DST: variants seen among roughly 807,000 people sequenced by gnomAD.
The protein encoded by DST is bullous pemphigoid antigen.
DST carries 253 observed loss-of-function variants against 875.2 expected under a neutral mutation model. The ratio of observed to expected loss-of-function variants is 0.29; its 90% CI spans 0.26 to 0.32. DST has a LOEUF of 0.32. DST is among the 10% of genes least tolerant of loss of function. The probability of loss-of-function intolerance (pLI) is 1.00; values close to 1 mark genes in which losing one functional copy is unlikely to be tolerated. For synonymous variants in DST, 3,124 were observed against 3,197.1 expected (o/e 0.98, Z 0.77); for missense variants, 8,287 against 9,111.6 (o/e 0.91, Z 3.68).
At chr6:56,501,008 A>T in intron 80 of DST, 72 bp downstream of exon 80, 12 of 1,468,262 alleles carry the variant, frequency 8.2e-6, no homozygotes, top group South Asian at 1.4e-5. Context: ...TAAAGAAGAA[A>T]TATATCCAAG....
In DST at chr6:56,608,184, T is replaced by G. The variant is rs369783174; in HGVS notation, c.6444A>C (p.Pro2148=). ...LKNITLPDKM[P]DLGDLEACKN... is the part of the protein sequence containing the mutation. The stretch of plus-strand genomic sequence containing the variant: ...TACAAGCTTCTAAATCTCCTAAATC[T>G]GGCATTTTATCAGGCAGTGTTATAT... Residue 2148 remains proline, a synonymous_variant, in exon 40 of 104, where the codon CCA becomes CCC. Transcript: ENST00000680361. The G allele has an allele frequency of 1.9e-6, 3 of 1,613,654 alleles. No individual in the cohort carries two copies. Among genetic ancestry groups the G allele is most frequent in the Non-Finnish European group, 1.7e-6 (2 of 1,179,770 alleles).
chr6:56,515,437 A>G lies in DST; in HGVS notation c.18576+13T>C. On this transcript the variant is annotated intron_variant, in intron 72 of 103. Transcript: ENST00000680361. Reference sequence around the variant, plus strand: ...AATGGGGAATACAATATTCTCTTTCACACCAGGCTTACCCGATGTTCTTCC... The same window carrying G: ...AATGGGGAATACAATATTCTCTTTCGCACCAGGCTTACCCGATGTTCTTCC... The G allele has an allele frequency of 1.2e-6, 2 of 1,613,084 alleles. No individual in the cohort carries two copies. The highest frequency in any genetic ancestry group is 1.1e-5 in the South Asian group (1 of 91,012).
intron 4 of DST, among the ~76,000 whole-genome samples, chr6:56,836,767 C>G (rs370570829): frequency 6.7e-6 from 1 of 149,156 alleles, no homozygotes; most frequent in African/African-American, 2.5e-5. Flanking sequence ...AGGAGAATGG[C>G]GTGAACCCGG....
chr6:56,772,303 A>C (rs573240143), intron 4 of DST, among the ~76,000 whole-genome samples: 1 of 152,324 alleles, frequency 6.6e-6, no homozygotes, highest in African/African-American at 2.4e-5. Flanking sequence ...ATAAGAACTA[A>C]AAATACATGT....
At chr6:56,954,353 A>C in intron 1 of DST, 54 bp downstream of exon 1, 1 of 1,292,980 alleles carries the variant, frequency 7.7e-7, no homozygotes. Context: ...TCACTCTCCA[A>C]ATCGGCTTAA....
intron 86 of DST, among the ~76,000 whole-genome samples, chr6:56,488,788 G>T (rs2095646603): frequency 6.6e-6 from 1 of 150,946 alleles, no homozygotes; most frequent in African/African-American, 2.4e-5. Flanking sequence ...ATGGCTGGTG[G>T]GGTCAACTTT....
chr6:56,601,877 T>C, intron 43 of DST: 1 of 489,788 alleles, frequency 2.0e-6, no homozygotes, highest in East Asian at 3.7e-5. Context: ...TGGTAGTTAG[T>C]ATTATATAAA....
chr6:56,570,018 TA>T lies in DST; in HGVS notation c.13722-7del. 1 of 1,559,906 alleles carries T rather than the reference TA, an allele frequency of 6.4e-7. No individual in the cohort carries two copies. The highest frequency in any genetic ancestry group is 1.2e-5 in the South Asian group (1 of 82,238). On this transcript the variant is annotated splice_polypyrimidine_tract_variant and splice_region_variant and intron_variant, in intron 53 of 103. Transcript: ENST00000680361. The stretch of plus-strand genomic sequence containing the variant: ...AAGAAGTTACAGCTTCTTTTCTACA[TA>T]ACAAAAATCATACAAGAATTTAAGT...
intron 3 of DST, among the ~76,000 whole-genome samples, chr6:56,892,127 A>G (rs774523840): frequency 2.8e-4 from 43 of 152,158 alleles, no homozygotes; most frequent in Non-Finnish European, 5.4e-4. Flanking sequence ...CTACTCACCT[A>G]TTACAGTGTC....
At chr6:56,602,066 A>C (rs576913482) in intron 43 of DST, 1 of 381,618 alleles carries the variant, frequency 2.6e-6, no homozygotes, top group Non-Finnish European at 5.0e-6. Context: ...GTAAGATATA[A>C]ATAATACTTT....
chr6:56,603,911 T>C lies in DST; in HGVS notation c.10717A>G (p.Asn3573Asp). 6.2e-7 allele frequency: 1 copy of C among 1,611,580 alleles called. No homozygotes were observed. The highest frequency in any genetic ancestry group is 1.1e-5 in the South Asian group (1 of 90,780). ...PRDEKLKDLC[N>D]DFPSHLECTS... ...CATTCCAAATGGCTTGGGAAATCAT[T>C]ACACAGATCCTTGAGCTTCTCATCT... The change falls in exon 40 of 104, where the codon AAT (asparagine) becomes GAT (aspartate). Residue 3573 changes from asparagine to aspartate, a missense_variant. By Grantham distance (23) the Asn-to-Asp change is conservative. Coordinates refer to ENST00000680361, the MANE Select transcript of DST (RefSeq NM_001374736.1).
intron 4 of DST, among the ~76,000 whole-genome samples, chr6:56,831,241 A>G (rs766510392): frequency 2.0e-5 from 3 of 152,218 alleles, no homozygotes; most frequent in Non-Finnish European, 1.5e-5. Context: ...GTTTCATAAC[A>G]TATGTATGAT....
intron 2 of DST, among the ~76,000 whole-genome samples, chr6:56,939,798 CT>C (rs1245476386): frequency 6.6e-6 from 1 of 151,894 alleles, no homozygotes; most frequent in Non-Finnish European, 1.5e-5. Context: ...GCCGAGGCGG[CT>C]GGATCACTTG....
chr6:56,698,827 A>G (rs977946844), intron 9 of DST, among the ~76,000 whole-genome samples: 1 of 152,158 alleles, frequency 6.6e-6, no homozygotes, highest in Admixed American at 6.5e-5. Context: ...TTTATTTTAG[A>G]TTCAGGGGGT....
chr6:56,669,266 C>G, intron 10 of DST, among the ~76,000 whole-genome samples: 1 of 145,012 alleles, frequency 6.9e-6, no homozygotes, highest in Non-Finnish European at 1.5e-5. Flanking sequence ...ATTCAACAAC[C>G]TGACATAATA....
intron 9 of DST, among the ~76,000 whole-genome samples, chr6:56,676,439 A>G (rs566464142): frequency 2.0e-5 from 3 of 152,328 alleles, no homozygotes; most frequent in African/African-American, 7.2e-5. Context: ...AAGTTAGTAA[A>G]ACCATTATGG....
At chr6:56,459,538 A>T (rs1160013410) in intron 103 of DST, among the ~76,000 whole-genome samples, 1 of 152,222 alleles carries the variant, frequency 6.6e-6, no homozygotes, top group Non-Finnish European at 1.5e-5. Context: ...TTGCAAACAG[A>T]CATAAGGAAT....
At chr6:56,779,106 G>A (rs1163202680) in intron 4 of DST, among the ~76,000 whole-genome samples, 1 of 152,118 alleles carries the variant, frequency 6.6e-6, no homozygotes, top group Non-Finnish European at 1.5e-5. Context: ...TCTCATTGTG[G>A]TTTTGATTTG....
intron 4 of DST, among the ~76,000 whole-genome samples, chr6:56,768,301 G>A (rs559326534): frequency 2.2e-4 from 34 of 152,230 alleles, no homozygotes; most frequent in African/African-American, 8.2e-4. Context: ...CTATTATAAA[G>A]CTACAGTTGT....
Sources: allele counts gnomAD v4.1 joint callset (sites outside exome capture counted in the v4.1 genomes callset), GRCh38; gene constraint gnomAD v4.1.1; transcripts MANE v1.5; gene names NCBI Gene and HGNC (gene_info 2026-07-23, HGNC 2026-07-21).